Variants in KCNH1 observed in about 807,000 individuals in gnomAD.
The protein encoded by KCNH1 is voltage-gated delayed rectifier potassium channel KCNH1.
KCNH1 carries 27 observed loss-of-function variants against 69.2 expected under a neutral mutation model. The ratio of observed to expected loss-of-function variants is 0.39; its 90% CI spans 0.29 to 0.54. The LOEUF (loss-of-function observed/expected upper bound fraction) is 0.54. Ranked by LOEUF, KCNH1 falls within the 20% of genes least tolerant of loss-of-function variation. KCNH1 has a pLI of 0.68. For missense variants in KCNH1, 798 were observed against 1,261.6 expected (o/e 0.63, Z 5.57); for synonymous variants, 456 against 487.7 (o/e 0.93, Z 0.86).
In KCNH1 at chr1:210,683,252, G is replaced by C. The variant is rs373478114; in HGVS notation, c.*29C>G. The C allele has an allele frequency of 1.6e-5, 26 of 1,601,464 alleles. No homozygotes were observed. In the African/African-American group the frequency reaches 2.7e-4, roughly 17 times the overall value. On this transcript the variant is annotated 3_prime_UTR_variant, in exon 11 of 11. Transcript: ENST00000271751. The surrounding 1 kb of genome is among the most constrained non-coding windows in gnomAD (Gnocchi z 5.7). ...GGTGACGGCAGGGTTGGAGGTATCT[G>C]TCTCTGACTTTTTTTTTAAATAGAC... is the stretch of plus-strand genomic sequence containing the variant.
intron 6 of KCNH1, among the ~76,000 whole-genome samples, chr1:210,960,750 T>C (rs1688277167): frequency 6.6e-6 from 1 of 152,186 alleles, no homozygotes; most frequent in Non-Finnish European, 1.5e-5. Context: ...TCACATGCTA[T>C]ATTTCTCTTC....
At chr1:210,693,380 C>G (rs1462821258) in intron 10 of KCNH1, among the ~76,000 whole-genome samples, 1 of 151,492 alleles carries the variant, frequency 6.6e-6, no homozygotes, top group African/African-American at 2.4e-5. Context: ...CCCTTCCCAC[C>G]TAGTTCTTCT....
intron 9 of KCNH1, among the ~76,000 whole-genome samples, chr1:210,778,428 T>C (rs1441922709): frequency 6.7e-6 from 1 of 150,236 alleles, no homozygotes; most frequent in Non-Finnish European, 1.5e-5. Context: ...AAGGCTGAGA[T>C]GGGAGGATTG....
At chr1:210,983,508 C>T (rs913495644) in intron 6 of KCNH1, among the ~76,000 whole-genome samples, 1 of 152,210 alleles carries the variant, frequency 6.6e-6, no homozygotes, top group East Asian at 1.9e-4. Flanking sequence ...GTTTTCCCAG[C>T]ACCATTTATT....
intron 10 of KCNH1, among the ~76,000 whole-genome samples, chr1:210,692,488 C>G (rs545296110): frequency 3.4e-4 from 52 of 152,262 alleles, no homozygotes; most frequent in African/African-American, 1.2e-3. Flanking sequence ...GTTTTGTGCT[C>G]CCTCAGTGTA....
intron 7 of KCNH1, among the ~76,000 whole-genome samples, chr1:210,918,677 T>C (rs753830722): frequency 1.1e-4 from 16 of 152,220 alleles, no homozygotes; most frequent in Admixed American, 3.3e-4. Context: ...AATAACCTAT[T>C]ACTTCTCAGC....
At chr1:210,920,129 T>C in intron 6 of KCNH1, 60 bp from the exon 7 acceptor site, 1 of 1,462,894 alleles carries the variant, frequency 6.8e-7, no homozygotes, top group Non-Finnish European at 9.4e-7. Context: ...TCTCGTCCCC[T>C]CCGCCCCACT....
chr1:211,031,712 C>A (rs953582787), intron 5 of KCNH1, among the ~76,000 whole-genome samples: 1 of 152,128 alleles, frequency 6.6e-6, no homozygotes, highest in South Asian at 2.1e-4. Flanking sequence ...ATTCAACAAC[C>A]CTTCCTGCTA....
At chr1:210,765,187 A>G (rs550427067) in intron 10 of KCNH1, among the ~76,000 whole-genome samples, 1 of 152,250 alleles carries the variant, frequency 6.6e-6, no homozygotes, top group East Asian at 1.9e-4. Context: ...TGGGAACAAT[A>G]AACACTTGGG....
At chr1:210,781,095 C>T (rs1683971895) in intron 9 of KCNH1, among the ~76,000 whole-genome samples, 1 of 152,134 alleles carries the variant, frequency 6.6e-6, no homozygotes, top group African/African-American at 2.4e-5. Context: ...CTCTGAACCA[C>T]CCCTTATTTT....
rs1267306331 is a variant in KCNH1, at chr1:210,678,946, A to G, written c.*4335T>C. 2.0e-5 allele frequency: 3 copies of G among 152,264 alleles called. No homozygotes were observed. The highest frequency in any genetic ancestry group is 2.0e-4 in the Admixed American group (3 of 15,288). 9.4% of individuals were successfully genotyped at this position (152,264 alleles called of 1,614,324 possible). On this transcript the variant is annotated 3_prime_UTR_variant, in exon 11 of 11. Coordinates refer to ENST00000271751, the MANE Select transcript of KCNH1 (RefSeq NM_172362.3). The stretch of plus-strand genomic sequence containing the variant: ...TGGCACCTGCAGGGAATTCAAGTCC[A>G]GTTCTAGAGGTTCCAGAATAAGTCT...
At chr1:211,082,735 C>T (rs749978874) in intron 5 of KCNH1, 45 bp downstream of exon 5, 16 of 1,470,570 alleles carry the variant, frequency 1.1e-5, no homozygotes, top group Non-Finnish European at 1.3e-5. Flanking sequence ...AGCCCATGCA[C>T]CCCCTAAAAG....
chr1:211,132,602 G>A (rs544782998), intron 1 of KCNH1: 6 of 152,320 alleles, frequency 3.9e-5, no homozygotes, highest in African/African-American at 1.4e-4. Flanking sequence ...ATTAAAGAGT[G>A]TTTATTAGTA....
At chr1:210,847,995 A>G (rs1685598727) in intron 7 of KCNH1, among the ~76,000 whole-genome samples, 1 of 152,142 alleles carries the variant, frequency 6.6e-6, no homozygotes, top group Non-Finnish European at 1.5e-5. Context: ...AAAAACAGTG[A>G]TAACTGCTGA....
At chr1:210,733,718 T>C (rs779743536) in intron 10 of KCNH1, among the ~76,000 whole-genome samples, 2 of 152,072 alleles carry the variant, frequency 1.3e-5, no homozygotes, top group East Asian at 1.9e-4. Context: ...CAGGTGCTTC[T>C]GAGGAGAGCT....
chr1:210,896,054 C>T (rs1686859736), intron 7 of KCNH1, among the ~76,000 whole-genome samples: 1 of 152,108 alleles, frequency 6.6e-6, no homozygotes. Flanking sequence ...AACAGCTAAA[C>T]ATGTAGGAGG....
intron 5 of KCNH1, among the ~76,000 whole-genome samples, chr1:211,055,087 C>T (rs1690279887): frequency 6.6e-6 from 1 of 152,042 alleles, no homozygotes; most frequent in African/African-American, 2.4e-5. Context: ...AAAAAAGCAC[C>T]TACGTAAGAG....
intron 7 of KCNH1, among the ~76,000 whole-genome samples, chr1:210,875,816 A>T (rs1686363290): frequency 6.6e-6 from 1 of 152,200 alleles, no homozygotes; most frequent in South Asian, 2.1e-4. Context: ...AAAAAAAAAA[A>T]ATAAATCAAT....
intron 10 of KCNH1, among the ~76,000 whole-genome samples, chr1:210,770,572 C>T (rs758568521): frequency 2.0e-5 from 3 of 152,218 alleles, no homozygotes; most frequent in Non-Finnish European, 4.4e-5. Context: ...CGGGTTAACC[C>T]GCTGCCTAAC....
Sources: allele counts gnomAD v4.1 joint callset (sites outside exome capture counted in the v4.1 genomes callset), GRCh38; gene constraint gnomAD v4.1.1; non-coding constraint Gnocchi (gnomAD v3.1); transcripts MANE v1.5; gene names NCBI Gene and HGNC (gene_info 2026-07-23, HGNC 2026-07-21).